Variants in EIF4G3 observed in about 807,000 individuals in gnomAD.
EIF4G3 encodes eukaryotic translation initiation factor 4 gamma 3.
In EIF4G3, 34 loss-of-function variants were observed where a neutral mutation model predicts 186.4. The observed-to-expected ratio is 0.18, with a 90% CI of 0.14 to 0.24. The LOEUF (loss-of-function observed/expected upper bound fraction) is 0.24. EIF4G3 is among the 10% of genes least tolerant of loss of function. The pLI is 1.00. For missense variants in EIF4G3, 1,536 were observed against 1,948.5 expected (o/e 0.79, Z 3.99); for synonymous variants, 673 against 679.5 (o/e 0.99, Z 0.15).
intron 2 of EIF4G3, among the ~76,000 whole-genome samples, chr1:21,099,587 C>T (rs2096469635): frequency 6.6e-6 from 1 of 152,118 alleles, no homozygotes. Flanking sequence ...GACTGTAAGT[C>T]CATTTATATA....
At chr1:21,159,653 T>G (rs1210229779) in intron 2 of EIF4G3, among the ~76,000 whole-genome samples, 1 of 151,932 alleles carries the variant, frequency 6.6e-6, no homozygotes, top group African/African-American at 2.4e-5. Flanking sequence ...GGCAGGAGAA[T>G]TGTTTGAACC....
intron 3 of EIF4G3, among the ~76,000 whole-genome samples, chr1:21,068,493 T>G (rs866494641): frequency 6.6e-6 from 1 of 151,922 alleles, no homozygotes; most frequent in African/African-American, 2.4e-5. Context: ...TAAATAAAGG[T>G]TGTCATAAGT....
intron 12 of EIF4G3, among the ~76,000 whole-genome samples, chr1:20,952,618 G>A (rs1379347788): frequency 6.6e-6 from 1 of 152,152 alleles, no homozygotes; most frequent in African/African-American, 2.4e-5. Context: ...GGAGGCCAAG[G>A]CAGACAGATC....
intron 2 of EIF4G3, among the ~76,000 whole-genome samples, chr1:21,137,815 CAA>C (rs201685410): frequency 3.0e-4 from 31 of 103,130 alleles, no homozygotes; most frequent in South Asian, 3.3e-4. Flanking sequence ...GACCCTGTCT[CAA>C]AAAAAAAAAA....
At chr1:21,069,359 A>G (rs534647879) in intron 3 of EIF4G3, among the ~76,000 whole-genome samples, 9 of 152,328 alleles carry the variant, frequency 5.9e-5, no homozygotes, top group African/African-American at 1.9e-4. Flanking sequence ...TCTCATTTAC[A>G]TAATCATTAA....
chr1:20,848,354 A>G (rs1254873554), intron 29 of EIF4G3, among the ~76,000 whole-genome samples: 2 of 152,244 alleles, frequency 1.3e-5, no homozygotes, highest in Non-Finnish European at 2.9e-5. Flanking sequence ...ACTTTAACAG[A>G]TAAGACTGTT....
chr1:20,910,876 G>A (rs993917674), intron 14 of EIF4G3, among the ~76,000 whole-genome samples: 5 of 152,072 alleles, frequency 3.3e-5, no homozygotes, highest in African/African-American at 1.2e-4. Context: ...AAAACTGGAA[G>A]GAAACAAAGA....
chr1:20,997,612 G>A lies in EIF4G3; in HGVS notation c.166C>T (p.Pro56Ser). 1 of 1,548,176 alleles carries A rather than the reference G, an allele frequency of 6.5e-7. No homozygotes were observed. The highest frequency in any genetic ancestry group is 8.7e-7 in the Non-Finnish European group (1 of 1,145,902). Residue 56 changes from proline to serine, a missense_variant, in exon 7 of 37, where the codon CCC (proline) becomes TCC (serine). Pro to Ser is a moderately conservative substitution (Grantham distance 74, BLOSUM62 -1). This residue lies in a region of EIF4G3 where 194 missense variants were observed against 212.8 expected (regional missense o/e 0.91). Transcript: ENST00000602326. Reference sequence around the variant, plus strand: ...CAAGGGTACAGTACCTGATGATGGGGAGGTCGAGGCCCCGCTGCAAACTGA... The same window carrying A: ...CAAGGGTACAGTACCTGATGATGGGAAGGTCGAGGCCCCGCTGCAAACTGA... ...YCIFAAGPRP[P>S]HHQGGFRPIQ... is the part of the protein sequence containing the mutation.
At chr1:20,998,867 C>A (rs885363) in intron 6 of EIF4G3, 150,778 of 410,146 alleles carry the variant, frequency 0.37, 28,971 homozygotes, top group Non-Finnish European at 0.41. Flanking sequence ...ATTTAAGGAG[C>A]AAAAATATAT....
chr1:21,134,530 C>T (rs1307885529), intron 2 of EIF4G3, among the ~76,000 whole-genome samples: 1 of 152,088 alleles, frequency 6.6e-6, no homozygotes, highest in Non-Finnish European at 1.5e-5. Context: ...ATTAGTCAGA[C>T]ATGGTGGTGC....
intron 4 of EIF4G3, among the ~76,000 whole-genome samples, chr1:21,014,281 G>C (rs1278083996): frequency 1.3e-5 from 2 of 152,218 alleles, no homozygotes; most frequent in Admixed American, 6.5e-5. Flanking sequence ...CAGTTCAAAA[G>C]TTAAAGACAA....
rs1371051682 is a variant in EIF4G3 at position 21,101,967 on chromosome 1, T to G, written c.-271-12754A>C. ...TTATAAGTTATATACAAAAAACTTA[T>G]AAATGAAATCATAAATTACAAATTA... On this transcript the variant is annotated intron_variant, in intron 2 of 36. Transcript: ENST00000602326. Among the ~76,000 whole-genome samples the G allele has an allele frequency of 2.0e-5, 3 of 152,092 alleles. No homozygotes were observed. The East Asian group carries it at 5.8e-4, about 29-fold the overall frequency.
chr1:21,063,562 AAGC>A (rs1292736615), intron 3 of EIF4G3, among the ~76,000 whole-genome samples: 4 of 152,156 alleles, frequency 2.6e-5, no homozygotes, highest in African/African-American at 9.7e-5. Context: ...TAAGTAAAGA[AAGC>A]AGGACAGAAA....
rs1182155903 is a variant in EIF4G3 at position 20,939,106 on chromosome 1, TA to T, written c.1663+2384del. Among the ~76,000 whole-genome samples the T allele has an allele frequency of 2.2e-4, 6 of 27,172 alleles. 1 individual carries two copies. The South Asian group carries it at 0.015, about 68-fold the overall frequency. The allele number at this position is 27,172 out of a possible 152,430, so 17.8% of individuals were successfully genotyped here. ...CGGGCGATGGAGCGAGACTCCATCT[TA>T]AAAAAAATTAAAAAAAAAAAAAAAA... On this transcript the variant is annotated intron_variant, in intron 14 of 36. Coordinates refer to ENST00000602326, the MANE Select transcript of EIF4G3 (RefSeq NM_001391906.1).
At chr1:20,905,969 CACACACACTTTTTGGTGGA>C (rs1221699051) in intron 14 of EIF4G3, among the ~76,000 whole-genome samples, 20 of 152,276 alleles carry the variant, frequency 1.3e-4, no homozygotes, top group African/African-American at 4.8e-4. Context: ...GTAGAACGTG[CACACACACTTTTTGGTGGA>C]ACACACACTT....
chr1:20,891,403 T>C (rs763317653), intron 18 of EIF4G3, among the ~76,000 whole-genome samples: 1 of 151,448 alleles, frequency 6.6e-6, no homozygotes, highest in African/African-American at 2.4e-5. Flanking sequence ...AAAACAAAGA[T>C]ATAAACCAAA....
intron 33 of EIF4G3, among the ~76,000 whole-genome samples, chr1:20,819,979 A>C (rs1468183385): frequency 6.6e-6 from 1 of 152,198 alleles, no homozygotes; most frequent in Non-Finnish European, 1.5e-5. Context: ...TATTGGCTGC[A>C]GCAGGGAGGT....
At chr1:21,139,531 G>A (rs1170726030) in intron 2 of EIF4G3, among the ~76,000 whole-genome samples, 3 of 152,078 alleles carry the variant, frequency 2.0e-5, no homozygotes, top group Non-Finnish European at 4.4e-5. Flanking sequence ...CAAAGCTTTC[G>A]AAAAAGGTAT....
intron 13 of EIF4G3, 114 bp downstream of exon 13, chr1:20,949,889 G>A (rs1482484409): frequency 1.2e-6 from 1 of 841,256 alleles, no homozygotes; most frequent in Non-Finnish European, 1.9e-6. Flanking sequence ...TTGTTTAAAG[G>A]TGGGTGTCTA....
Sources: gnomAD v4.1 joint callset for allele counts (sites outside exome capture counted in the v4.1 genomes callset) on GRCh38, gnomAD v4.1.1 for gene constraint, gnomAD v4.1.1 regional missense constraint, MANE v1.5 for transcripts, NCBI Gene and HGNC (gene_info 2026-07-23, HGNC 2026-07-21) for gene names.